Variants in DMD observed in about 807,000 individuals in gnomAD.
DMD encodes the protein dystrophin.
DMD carries 63 observed loss-of-function variants against 330.1 expected under a neutral mutation model. The observed-to-expected ratio is 0.19, with a 90% confidence interval of 0.16 to 0.24. The LOEUF is 0.24. Ranked by LOEUF, DMD falls within the 10% of genes least tolerant of loss-of-function variation. The probability of loss-of-function intolerance (pLI) is 1.00; values close to 1 mark genes in which losing one functional copy is unlikely to be tolerated. For synonymous variants in DMD, 1,223 were observed against 959.8 expected, an observed-to-expected ratio of 1.27 and a Z score of -5.07; for missense variants, 3,344 against 2,684.1, an observed-to-expected ratio of 1.25 and a Z score of -5.43.
intron 63 of DMD, among the ~76,000 whole-genome samples, chrX:31,255,487 T>C (rs1002655566): frequency 9.0e-6 from 1 of 111,487 alleles, no homozygotes; most frequent in East Asian, 2.8e-4. Context: ...AGGAGTCTAA[T>C]GGGAAATATC....
At chrX:32,975,811 T>C (rs1421503192) in intron 2 of DMD, among the ~76,000 whole-genome samples, 4 of 111,707 alleles carry the variant, frequency 3.6e-5, no homozygotes, top group Admixed American at 9.5e-5. Context: ...CAAAGGGGCC[T>C]GGGATTTTCA....
chrX:31,238,974 C>A (rs180689207), intron 63 of DMD, among the ~76,000 whole-genome samples: 141 of 112,077 alleles, frequency 1.3e-3, no homozygotes, highest in African/African-American at 4.4e-3. Flanking sequence ...ATAATCAACA[C>A]CTGCAGTACG....
chrX:31,352,773 TAAAG>T (rs923511455), intron 60 of DMD, among the ~76,000 whole-genome samples: 3 of 112,268 alleles, frequency 2.7e-5, no homozygotes, highest in African/African-American at 6.5e-5. Flanking sequence ...ACTGGCTAAA[TAAAG>T]AAACAAATTT....
chrX:32,699,569 C>T (rs1480067358), intron 7 of DMD, among the ~76,000 whole-genome samples: 1 of 111,694 alleles, frequency 9.0e-6, no homozygotes, highest in Non-Finnish European at 1.9e-5. Flanking sequence ...AATTGCCAAA[C>T]TAGCCCATCT....
chrX:31,685,322 C>T (rs903281382), intron 52 of DMD, among the ~76,000 whole-genome samples: 1 of 111,745 alleles, frequency 8.9e-6, no homozygotes, highest in Non-Finnish European at 1.9e-5. Flanking sequence ...AGGACATTCA[C>T]ATATAGGGTG....
At chrX:32,638,117 G>C (rs1275034445) in intron 11 of DMD, among the ~76,000 whole-genome samples, 1 of 111,713 alleles carries the variant, frequency 9.0e-6, no homozygotes, top group African/African-American at 3.3e-5. Context: ...CGAATGTCAC[G>C]TTATCATCTA....
chrX:32,951,421 TATGATTC>T lies in DMD; in HGVS notation c.93+68711_93+68717del, dbSNP rs1369233164. ...AGTGTGCTGGAATGTCCCTCTACCT[TATGATTC>T]ATTTGTTATTCCTAGGGTGTTCTGC... On this transcript the variant is annotated intron_variant, in intron 2 of 78. Transcript: ENST00000357033. Among the ~76,000 whole-genome samples, 6 of 112,275 alleles carry T rather than the reference TATGATTC, an allele frequency of 5.3e-5. No individual in the cohort carries two copies. In the East Asian group the frequency reaches 1.7e-3, roughly 31 times the overall value.
chrX:31,473,654 A>T (rs2067489540), intron 59 of DMD, among the ~76,000 whole-genome samples: 1 of 100,413 alleles, frequency 1.0e-5, no homozygotes, highest in Non-Finnish European at 2.0e-5. Flanking sequence ...CAGGAGGTTC[A>T]GCGAGCCGAG....
rs775874671 is a variant in DMD at position 31,345,909 on chromosome X, C to T, written c.9163+2647G>A. On this transcript the variant is annotated intron_variant, in intron 61 of 78. Coordinates refer to ENST00000357033, the MANE Select transcript of DMD (RefSeq NM_004006.3). ...AAGATACTTCTTCTTAATCTATTAT[C>T]GATGTATGACAAAAACACAGGACCA... 1.7e-3 allele frequency among the ~76,000 whole-genome samples: 193 copies of T among 111,465 alleles called. 1 individual carries two copies. The highest frequency in any genetic ancestry group is 3.0e-3 in the Non-Finnish European group (162 of 53,125).
At chrX:32,722,444 AT>A (rs2066427056) in intron 7 of DMD, among the ~76,000 whole-genome samples, 1 of 110,530 alleles carries the variant, frequency 9.0e-6, no homozygotes, top group South Asian at 3.8e-4. Flanking sequence ...ATACTATGCC[AT>A]TTTGTATAAG....
rs760318577 is a variant in DMD at position 32,573,650 on chromosome X, AAAG to A, written c.1705-16_1705-14del. Reference sequence around the variant, plus strand: ...CACTAAAAAGGCACTGCAAGACATTAAAGAATTCCAAGGAATAAATAAACATAA... The same window carrying A: ...CACTAAAAAGGCACTGCAAGACATTAAATTCCAAGGAATAAATAAACATAA... On this transcript the variant is annotated splice_polypyrimidine_tract_variant and intron_variant, in intron 14 of 78. Coordinates refer to ENST00000357033, the MANE Select transcript of DMD (RefSeq NM_004006.3). The A allele has an allele frequency of 8.3e-6, 10 of 1,197,791 alleles. No individual in the cohort carries two copies. The African/African-American group carries it at 1.8e-4, about 21-fold the overall frequency.
At chrX:32,008,785 T>C (rs2095683022) in intron 44 of DMD, among the ~76,000 whole-genome samples, 1 of 111,519 alleles carries the variant, frequency 9.0e-6, no homozygotes. Flanking sequence ...CAGGATATCA[T>C]AGTCTATGTG....
chrX:31,896,504 C>T (rs959901016), intron 47 of DMD, among the ~76,000 whole-genome samples: 14 of 111,475 alleles, frequency 1.3e-4, no homozygotes, highest in Admixed American at 6.7e-4. Context: ...TTTTTAAAAA[C>T]GTATAATTTG....
chrX:32,204,211 G>A (rs752450639), intron 44 of DMD, among the ~76,000 whole-genome samples: 1 of 111,826 alleles, frequency 8.9e-6, no homozygotes, highest in South Asian at 3.7e-4. Flanking sequence ...TATGGTGTTT[G>A]AATCCCAGAT....
At chrX:32,543,075 C>A (rs1338851927) in intron 17 of DMD, among the ~76,000 whole-genome samples, 3 of 111,755 alleles carry the variant, frequency 2.7e-5, no homozygotes, top group African/African-American at 9.8e-5. Flanking sequence ...GTAATTATAG[C>A]CATACCTATT....
At chrX:32,876,894 G>C (rs1428052543) in intron 2 of DMD, among the ~76,000 whole-genome samples, 1 of 111,763 alleles carries the variant, frequency 8.9e-6, no homozygotes, top group Non-Finnish European at 1.9e-5. Context: ...TTGAACGCAG[G>C]AATCTTTGTA....
At chrX:33,173,791 C>T (rs191137960) in intron 1 of DMD, among the ~76,000 whole-genome samples, 1 of 110,237 alleles carries the variant, frequency 9.1e-6, no homozygotes, top group African/African-American at 3.3e-5. Flanking sequence ...GTTATTATGT[C>T]ATATAATACC....
intron 15 of DMD, among the ~76,000 whole-genome samples, chrX:32,569,295 G>C (rs1910194201): frequency 8.9e-6 from 1 of 111,874 alleles, no homozygotes; most frequent in Non-Finnish European, 1.9e-5. Flanking sequence ...AGAGAATAAT[G>C]CCAAGACAAT....
chrX:31,338,321 A>T (rs2057524063), intron 61 of DMD, among the ~76,000 whole-genome samples: 1 of 106,405 alleles, frequency 9.4e-6, no homozygotes, highest in Admixed American at 1.0e-4. Flanking sequence ...AAAAAAAAAA[A>T]AAAAAAAAAA....
Sources: gnomAD v4.1 joint callset for allele counts (sites outside exome capture counted in the v4.1 genomes callset) on GRCh38, gnomAD v4.1.1 for gene constraint, MANE v1.5 for transcripts, NCBI Gene and HGNC (gene_info 2026-07-23, HGNC 2026-07-21) for gene names.